Variants in PXDNL observed in about 807,000 individuals in gnomAD.
PXDNL encodes peroxidasin like.
A neutral mutation model predicts 150.8 loss-of-function variants in PXDNL; 145 were observed. The ratio of observed to expected loss-of-function variants is 0.96; its 90% CI spans 0.84 to 1.10. PXDNL has a LOEUF of 1.10. Among genes scored for constraint, PXDNL ranks in the 50% least tolerant of loss-of-function variants. The pLI is 0.00. For synonymous variants in PXDNL, 757 were observed against 725.7 expected, an observed-to-expected ratio of 1.04 and a Z score of -0.69; for missense variants, 2,087 against 1,873.9, an observed-to-expected ratio of 1.11 and a Z score of -2.10.
At chr8:51,596,257 C>G (rs1368013581) in intron 2 of PXDNL, among the ~76,000 whole-genome samples, 2 of 152,120 alleles carry the variant, frequency 1.3e-5, no homozygotes. Context: ...GCATAGTATT[C>G]CATGGTGTAT....
chr8:51,428,919 G>C (rs1809180500), intron 12 of PXDNL, among the ~76,000 whole-genome samples: 1 of 152,266 alleles, frequency 6.6e-6, no homozygotes, highest in Non-Finnish European at 1.5e-5. Context: ...TATAGACGGA[G>C]AAAATATTTG....
At chr8:51,493,678 T>A (rs540055774) in intron 5 of PXDNL, among the ~76,000 whole-genome samples, 1 of 152,188 alleles carries the variant, frequency 6.6e-6, no homozygotes, top group South Asian at 2.1e-4. Flanking sequence ...AGAAACTGTA[T>A]CAGTGATGGA....
chr8:51,369,848 T>C (rs1459623027), intron 19 of PXDNL, among the ~76,000 whole-genome samples: 1 of 152,210 alleles, frequency 6.6e-6, no homozygotes, highest in Non-Finnish European at 1.5e-5. Flanking sequence ...CATCCTTGCA[T>C]TGCATTTTCC....
chr8:51,470,191 A>T (rs28579726), intron 8 of PXDNL, among the ~76,000 whole-genome samples: 36,452 of 151,968 alleles, frequency 0.24, 6,622 homozygotes, highest in African/African-American at 0.51. Context: ...AATCTAAAGA[A>T]GGAAATAAAT....
At chr8:51,322,089 C>T (rs1277908787) in intron 21 of PXDNL, among the ~76,000 whole-genome samples, 1 of 152,116 alleles carries the variant, frequency 6.6e-6, no homozygotes, top group Non-Finnish European at 1.5e-5. Context: ...GAGAAGGTGG[C>T]CATCAGCAAG....
At chr8:51,409,786 A>T (rs1017660057) in intron 16 of PXDNL, among the ~76,000 whole-genome samples, 1 of 152,194 alleles carries the variant, frequency 6.6e-6, no homozygotes, top group Non-Finnish European at 1.5e-5. Context: ...TTGAGCGTTC[A>T]TCCTGTAAAC....
In PXDNL at chr8:51,374,616, G is replaced by A. The variant is rs766445859; in HGVS notation, c.3673C>T (p.Arg1225Trp). The change falls in exon 18 of 23, where the codon CGG (arginine) becomes TGG (tryptophan). Residue 1225 changes from arginine to tryptophan, a missense_variant. By Grantham distance (101) the Arg-to-Trp change is moderately radical (BLOSUM62 -3). Transcript: ENST00000356297. ...LMCLFVTQFQ[R>W]LRDGDRFWYE... ...ATTCACCTATCTCCATCTCTTAGCC[G>A]CTGAAACTGGGTAACAAACAGGCAC... 127 of 1,613,582 alleles carry A rather than the reference G, an allele frequency of 7.9e-5. No homozygotes were observed. Among genetic ancestry groups the A allele is most frequent in the Middle Eastern group, 4.9e-4 (3 of 6,084 alleles).
chr8:51,616,951 G>T (rs1814143424), intron 2 of PXDNL, among the ~76,000 whole-genome samples: 1 of 152,090 alleles, frequency 6.6e-6, no homozygotes, highest in South Asian at 2.1e-4. Context: ...TATTTTAATT[G>T]TTTTTTATTG....
chr8:51,528,995 T>C (rs1811825224), intron 4 of PXDNL, among the ~76,000 whole-genome samples: 1 of 152,192 alleles, frequency 6.6e-6, no homozygotes, highest in African/African-American at 2.4e-5. Context: ...TTGTTTAAGA[T>C]GCTATGGTTG....
chr8:51,705,850 C>T (rs994350479), intron 1 of PXDNL, among the ~76,000 whole-genome samples: 28 of 147,822 alleles, frequency 1.9e-4, no homozygotes, highest in African/African-American at 5.9e-4. Context: ...CGCGCGCGCG[C>T]GCGTGCATGC....
rs961892208 is a variant in PXDNL at position 51,600,016 on chromosome 8, T to C, written c.237-7318A>G. Among the ~76,000 whole-genome samples the C allele has an allele frequency of 3.8e-5, 4 of 104,932 alleles. No homozygotes were observed. The South Asian group carries it at 1.4e-3, about 38-fold the overall frequency. The allele number at this position is 104,932 out of a possible 152,430, so 68.8% of individuals were successfully genotyped here. On this transcript the variant is annotated intron_variant, in intron 2 of 22. Coordinates refer to ENST00000356297, the MANE Select transcript of PXDNL (RefSeq NM_144651.5). ...TATACCTTATATAAATGACATCGTT[T>C]AGATAATAAATTATACCTTATATAA... is the stretch of plus-strand genomic sequence containing the variant.
chr8:51,320,877 G>A lies in PXDNL; in HGVS notation c.4167C>T (p.Arg1389=). The change falls in exon 22 of 23, where the codon CGC becomes CGT. Residue 1389 remains arginine, a synonymous_variant. Transcript: ENST00000356297. ...CATCTGTACACCCTGCCTGCCTCAG[G>A]CGTGCCTCCAGCTTGTTTATCTGAA... ...LREQINKLEA[R]LRQAGCTDVR... is the part of the protein sequence containing the mutation. The A allele has an allele frequency of 1.2e-6, 2 of 1,613,734 alleles. No homozygotes were observed. The highest frequency in any genetic ancestry group is 1.7e-5 in the Admixed American group (1 of 59,998).
chr8:51,527,142 G>A (rs541359616), intron 4 of PXDNL, among the ~76,000 whole-genome samples: 1 of 152,276 alleles, frequency 6.6e-6, no homozygotes, highest in South Asian at 2.1e-4. Context: ...AGAGTTGCCA[G>A]AATATCTTCC....
Position 51,354,047 on chromosome 8 carries a change from T to G in PXDNL, c.3902-8100A>C. Reference sequence around the variant, plus strand: ...CTGAAACTTCAGGCACATTTGGGTCTTATGAGGATTTTAAGATTTTTGTTC... The same window carrying G: ...CTGAAACTTCAGGCACATTTGGGTCGTATGAGGATTTTAAGATTTTTGTTC... On this transcript the variant is annotated intron_variant, in intron 19 of 22. Transcript: ENST00000356297. Among the ~76,000 whole-genome samples the G allele has an allele frequency of 1.3e-5, 2 of 152,134 alleles. 1 individual carries two copies. The highest frequency in any genetic ancestry group is 3.8e-4 in the East Asian group (2 of 5,198).
At chr8:51,720,620 C>T (rs1816710259) in intron 1 of PXDNL, among the ~76,000 whole-genome samples, 1 of 152,176 alleles carries the variant, frequency 6.6e-6, no homozygotes, top group African/African-American at 2.4e-5. Context: ...TAGATGAAGT[C>T]TCACTTGAAT....
chr8:51,557,321 T>C (rs1414474402), intron 3 of PXDNL, among the ~76,000 whole-genome samples: 3 of 152,172 alleles, frequency 2.0e-5, no homozygotes, highest in African/African-American at 7.2e-5. Context: ...CTTAAGGGGA[T>C]AAAAGCATCT....
intron 1 of PXDNL, among the ~76,000 whole-genome samples, chr8:51,682,474 G>T (rs183968795): frequency 1.0e-3 from 152 of 152,242 alleles, no homozygotes; most frequent in African/African-American, 3.5e-3. Context: ...CACATGCCTG[G>T]AGAATGAGCA....
chr8:51,454,659 C>T (rs1181519119), intron 9 of PXDNL, among the ~76,000 whole-genome samples: 1 of 151,986 alleles, frequency 6.6e-6, no homozygotes, highest in Non-Finnish European at 1.5e-5. Flanking sequence ...GGGGGATCAA[C>T]CATTCCTGAG....
intron 2 of PXDNL, among the ~76,000 whole-genome samples, chr8:51,642,238 G>A (rs1202025402): frequency 6.6e-6 from 1 of 151,786 alleles, no homozygotes; most frequent in Non-Finnish European, 1.5e-5. Context: ...GATAGCATTA[G>A]GAGATATACC....
Sources: allele counts gnomAD v4.1 joint callset (sites outside exome capture counted in the v4.1 genomes callset), GRCh38; gene constraint gnomAD v4.1.1; transcripts MANE v1.5; gene names NCBI Gene and HGNC (gene_info 2026-07-23, HGNC 2026-07-21).